Variants in RHOT1 observed in about 807,000 individuals in gnomAD.
The protein encoded by RHOT1 is ras homolog family member T1.
In RHOT1, 27 loss-of-function variants were observed where a neutral mutation model predicts 95.3. That is an observed-to-expected ratio of 0.28 (90% CI 0.21 to 0.39). The LOEUF (loss-of-function observed/expected upper bound fraction) is 0.39, where lower values mean the gene tolerates loss of function less well. Ranked by LOEUF, RHOT1 falls within the 10% of genes least tolerant of loss-of-function variation. The probability of loss-of-function intolerance (pLI) is 1.00; values close to 1 mark genes in which losing one functional copy is unlikely to be tolerated. For synonymous variants in RHOT1, 227 were observed against 263.5 expected, an observed-to-expected ratio of 0.86 and a Z score of 1.34; for missense variants, 578 against 786.7, an observed-to-expected ratio of 0.73 and a Z score of 3.17.
At chr17:32,205,421 A>G (rs1336239449) in intron 16 of RHOT1, among the ~76,000 whole-genome samples, 1 of 152,174 alleles carries the variant, frequency 6.6e-6, no homozygotes, top group Non-Finnish European at 1.5e-5. Flanking sequence ...CTAGAAATTA[A>G]TATGAAAACC....
chr17:32,164,115 A>G (rs557300006), intron 1 of RHOT1, among the ~76,000 whole-genome samples: 6 of 152,322 alleles, frequency 3.9e-5, no homozygotes, highest in Non-Finnish European at 7.4e-5. Context: ...AGATCGCGCC[A>G]CTGCGCGAAA....
chr17:32,201,324 A>G lies in RHOT1; in HGVS notation c.1201+268A>G, dbSNP rs733674. 3.6e-3 allele frequency among the ~76,000 whole-genome samples: 549 copies of G among 152,302 alleles called. 3 individuals carry two copies. The highest frequency in any genetic ancestry group is 6.5e-3 in the Non-Finnish European group (443 of 68,026). On this transcript the variant is annotated intron_variant, in intron 14 of 19. Coordinates refer to ENST00000545287, the MANE Select transcript of RHOT1 (RefSeq NM_001033566.3). The stretch of plus-strand genomic sequence containing the variant: ...GAGGAAGAGCTGTGGGCATTAAAGG[A>G]TTTACCAGTTGATCTTGCGTTTTAA...
intron 19 of RHOT1, among the ~76,000 whole-genome samples, chr17:32,219,207 A>C (rs531204538): frequency 5.3e-5 from 8 of 152,306 alleles, no homozygotes; most frequent in Admixed American, 2.0e-4. Context: ...AAAATCTCTC[A>C]GTTTTGCTTC....
At position 32,192,408 on chromosome 17, in the gene RHOT1, A is replaced by G. The variant is rs189424552; in HGVS notation, c.639+109A>G. The G allele has an allele frequency of 2.0e-3, 1,400 of 685,848 alleles. 8 individuals carry two copies. The highest frequency in any genetic ancestry group is 3.1e-3 in the Non-Finnish European group (1,224 of 397,290). The allele number at this position is 685,848 out of a possible 1,614,324, so 42.5% of individuals were successfully genotyped here. A position where few individuals can be genotyped will look rare whatever the true frequency, so the allele number is the denominator to read the frequency against. On this transcript the variant is annotated intron_variant, in intron 9 of 19. Transcript: ENST00000545287. ...ACAACAAGAACAGTATGTTATAAAC[A>G]TAAGTTTCTTTCTCATAAAACTATC...
intron 4 of RHOT1, 99 bp from the exon 5 acceptor site, chr17:32,175,863 T>G: frequency 1.4e-6 from 1 of 730,552 alleles, no homozygotes; most frequent in Non-Finnish European, 2.1e-6. Flanking sequence ...GTTAAATTTT[T>G]TCTTCCTTTC....
intron 4 of RHOT1, 148 bp downstream of exon 4, chr17:32,175,510 G>A (rs929916563): frequency 2.6e-6 from 2 of 781,424 alleles, no homozygotes; most frequent in African/African-American, 1.7e-5. Context: ...GTCACCCAGT[G>A]CAGTGGCGCA....
At chr17:32,143,798 T>C (rs1047904783) in intron 1 of RHOT1, among the ~76,000 whole-genome samples, 2 of 152,254 alleles carry the variant, frequency 1.3e-5, no homozygotes, top group African/African-American at 4.8e-5. Context: ...CATTGCTGTT[T>C]CGAAGCATTC....
chr17:32,155,959 G>A (rs757885757), intron 1 of RHOT1, among the ~76,000 whole-genome samples: 2 of 152,182 alleles, frequency 1.3e-5, no homozygotes, highest in Non-Finnish European at 2.9e-5. Flanking sequence ...CTGGAATCAG[G>A]ATGTACTACT....
chr17:32,151,163 A>G, intron 1 of RHOT1: 1 of 789,494 alleles, frequency 1.3e-6, no homozygotes, highest in Non-Finnish European at 2.3e-6. Context: ...TGGTAGGTTG[A>G]GTTTCAAAGC....
chr17:32,211,334 C>T lies in RHOT1; in HGVS notation c.1862+96C>T, dbSNP rs111547746. The T allele has an allele frequency of 2.3e-4, 266 of 1,147,104 alleles. 1 individual carries two copies. The African/African-American group carries it at 3.3e-3, about 14-fold the overall frequency. The allele number at this position is 1,147,104 out of a possible 1,614,324, so 71.1% of individuals were successfully genotyped here. The stretch of plus-strand genomic sequence containing the variant: ...ATTATACAGATACTCACTACAAAGA[C>T]AAGCTGACTGATGCCCAACTAACTT... On this transcript the variant is annotated intron_variant, in intron 19 of 19. Transcript: ENST00000545287.
At chr17:32,156,718 G>A (rs537223703) in intron 1 of RHOT1, among the ~76,000 whole-genome samples, 1 of 152,346 alleles carries the variant, frequency 6.6e-6, no homozygotes, top group African/African-American at 2.4e-5. Context: ...TAACTGGTGA[G>A]AAAAATTGAG....
At chr17:32,208,759 A>G (rs551545567) in intron 18 of RHOT1, 5 of 161,564 alleles carry the variant, frequency 3.1e-5, no homozygotes, top group Admixed American at 2.3e-4. Flanking sequence ...TTCAGTTAGG[A>G]TATGTCTTTT....
At chr17:32,147,403 C>T (rs2031521784) in intron 1 of RHOT1, among the ~76,000 whole-genome samples, 1 of 151,946 alleles carries the variant, frequency 6.6e-6, no homozygotes, top group South Asian at 2.1e-4. Context: ...AGGCGGGAGA[C>T]TTGCTTGACC....
intron 1 of RHOT1, among the ~76,000 whole-genome samples, chr17:32,160,785 G>A (rs1380742155): frequency 6.6e-6 from 1 of 152,232 alleles, no homozygotes; most frequent in Non-Finnish European, 1.5e-5. Context: ...CCCCATGCTT[G>A]CTCACACATC....
chr17:32,199,069 A>G (rs2037120401), intron 12 of RHOT1, 38 bp downstream of exon 12: 3 of 1,426,326 alleles, frequency 2.1e-6, no homozygotes, highest in South Asian at 1.2e-5. Context: ...ATATATAGTA[A>G]AACATTTTTC....
In RHOT1 at chr17:32,224,847, T is replaced by C. The variant is rs2039046322; in HGVS notation, c.*114T>C. ...TATACATGCAGAGTTACTTTATTAATATTTGTAATTCATGCATAAGAGTAT... is the reference window on the plus strand; with the variant it reads ...TATACATGCAGAGTTACTTTATTAACATTTGTAATTCATGCATAAGAGTAT... On this transcript the variant is annotated 3_prime_UTR_variant, in exon 20 of 20. Transcript: ENST00000545287. 1.6e-6 allele frequency: 1 copy of C among 640,486 alleles called. No homozygotes were observed. 39.7% of individuals were successfully genotyped at this position (640,486 alleles called of 1,614,324 possible).
At chr17:32,194,743 T>C (rs2142781378) in intron 11 of RHOT1, among the ~76,000 whole-genome samples, 1 of 152,000 alleles carries the variant, frequency 6.6e-6, no homozygotes, top group Middle Eastern at 3.4e-3. Context: ...ATTGTTCTTC[T>C]CCCTCAGTTT....
chr17:32,209,765 A>G (rs1018587919), intron 18 of RHOT1: 1 of 171,126 alleles, frequency 5.8e-6, no homozygotes, highest in Non-Finnish European at 1.2e-5. Flanking sequence ...TTAATCCCAA[A>G]CTACTTCTCA....
At chr17:32,145,739 G>A (rs527934188) in intron 1 of RHOT1, among the ~76,000 whole-genome samples, 9 of 152,128 alleles carry the variant, frequency 5.9e-5, no homozygotes. Flanking sequence ...AATGAGCCAG[G>A]TGTGGTGGCT....
Sources: allele counts gnomAD v4.1 joint callset (sites outside exome capture counted in the v4.1 genomes callset), GRCh38; gene constraint gnomAD v4.1.1; transcripts MANE v1.5; gene names NCBI Gene and HGNC (gene_info 2026-07-23, HGNC 2026-07-21).